TMEM223: variants seen among roughly 807,000 people sequenced by gnomAD.
TMEM223 encodes transmembrane protein 223.
A neutral mutation model predicts 14.1 loss-of-function variants in TMEM223; 14 were observed. That is an observed-to-expected ratio of 0.99 (90% confidence interval 0.66 to 1.55). The LOEUF is 1.55. Ranked by LOEUF, TMEM223 falls within the 40% of genes most tolerant of loss-of-function variation. TMEM223 has a pLI of 0.00. For synonymous variants in TMEM223, 145 were observed against 120.5 expected, an observed-to-expected ratio of 1.20 and a Z score of -1.33; for missense variants, 346 against 269.9, an observed-to-expected ratio of 1.28 and a Z score of -1.97.
chr11:62,776,284 T>C (rs887230382), intron 1 of TMEM223: 12 of 1,206,906 alleles, frequency 9.9e-6, no homozygotes, highest in Non-Finnish European at 1.2e-5. Context: ...AAGCGTGGTC[T>C]CCTGTTTGCC....
exon 3 of TMEM223, chr11:62,772,063 T>TA (rs1216946762): frequency 1.1e-5 from 5 of 455,944 alleles, no homozygotes; most frequent in African/African-American, 6.0e-5. Flanking sequence ...CCTCCCTACT[T>TA]ACTCAGTGCT....
At chr11:62,787,420 G>T (rs1226607562), downstream of TMEM223, 3 of 1,558,504 alleles carry the variant, frequency 1.9e-6, no homozygotes, top group East Asian at 2.4e-5. Flanking sequence ...GCTTCCTGGT[G>T]GTCAGGGCGC....
chr11:62,775,584 C>T (rs750670315), intron 1 of TMEM223: 17 of 582,138 alleles, frequency 2.9e-5, no homozygotes, highest in Non-Finnish European at 4.1e-5. Context: ...CTAGCTTCAC[C>T]GTTCTTGACC....
intron 1 of TMEM223, chr11:62,778,520 T>C (rs2084203794): frequency 7.3e-6 from 5 of 683,844 alleles, no homozygotes; most frequent in Non-Finnish European, 1.3e-5. Flanking sequence ...GGCCCAGACC[T>C]GTAACTAGTC....
At chr11:62,772,800 ATCTC>A in intron 2 of TMEM223, among the ~76,000 whole-genome samples, 1 of 143,614 alleles carries the variant, frequency 7.0e-6, no homozygotes, top group African/African-American at 2.7e-5. Context: ...ATCAGACATC[ATCTC>A]CAAAAAAAAA....
chr11:62,782,653 A>G, downstream of TMEM223: 2 of 1,605,088 alleles, frequency 1.2e-6, no homozygotes, highest in African/African-American at 1.3e-5. Flanking sequence ...GGGTGGCACC[A>G]TGCCTCATTC....
chr11:62,786,207 A>G, downstream of TMEM223: 1 of 1,574,820 alleles, frequency 6.3e-7, no homozygotes, highest in South Asian at 1.1e-5. Context: ...AGGGTCCTTG[A>G]GAGGGAATAA....
chr11:62,782,604 T>C, downstream of TMEM223: 1 of 1,560,024 alleles, frequency 6.4e-7, no homozygotes, highest in South Asian at 1.2e-5. Flanking sequence ...GAGTGTGCTG[T>C]ACAGATGCTA....
At chr11:62,784,306 AT>A (rs1030701221), downstream of TMEM223, among the ~76,000 whole-genome samples, 10,555 of 118,674 alleles carry the variant, frequency 0.089, 468 homozygotes, top group East Asian at 0.15. Flanking sequence ...TATATTCTTA[AT>A]TTTTTTTTTT....
chr11:62,787,132 G>T, downstream of TMEM223: 1 of 1,561,928 alleles, frequency 6.4e-7, no homozygotes, highest in Non-Finnish European at 8.6e-7. Context: ...CGGGCGGCAG[G>T]CTGGGAGGCG....
At chr11:62,786,972 G>A (rs1189121206), downstream of TMEM223, 5 of 1,447,438 alleles carry the variant, frequency 3.5e-6, no homozygotes, top group South Asian at 1.4e-5. Flanking sequence ...CGGCCTCTGG[G>A]CCCGCCGCCT....
chr11:62,787,437 G>A (rs546708002), downstream of TMEM223: 3 of 1,563,930 alleles, frequency 1.9e-6, no homozygotes, highest in Admixed American at 3.6e-5. Context: ...GCGCCATGGC[G>A]CTGTCCTGGC....
chr11:62,786,007 T>A, downstream of TMEM223: 1 of 373,946 alleles, frequency 2.7e-6, no homozygotes, highest in Non-Finnish European at 5.0e-6. Flanking sequence ...TGAGCATTAT[T>A]TAGCACACAG....
intron 1 of TMEM223, among the ~76,000 whole-genome samples, chr11:62,779,976 A>ATATATTTTTTTT (rs1294367864): frequency 1.9e-5 from 1 of 52,632 alleles, no homozygotes; most frequent in Non-Finnish European, 3.6e-5. Flanking sequence ...ATATATATAT[A>ATATATTTTTTTT]TTTTTTTTTT....
At chr11:62,789,426 G>A (rs1198228765), downstream of TMEM223, 1 of 1,613,630 alleles carries the variant, frequency 6.2e-7, no homozygotes, top group Non-Finnish European at 8.5e-7. Context: ...ACTACAATTA[G>A]GTAATGGGAG....
downstream of TMEM223, chr11:62,782,623 G>T: frequency 1.3e-6 from 2 of 1,582,166 alleles, no homozygotes; most frequent in Non-Finnish European, 1.7e-6. Flanking sequence ...TATTCTCTTT[G>T]TGTTGTCTTG....
At chr11:62,786,744 C>T, downstream of TMEM223, 1 of 1,613,206 alleles carries the variant, frequency 6.2e-7, no homozygotes, top group Middle Eastern at 1.7e-4. Context: ...CCCTGGCCGA[C>T]ATCTACCGGG....
At chr11:62,784,397 C>T (rs902334818), downstream of TMEM223, among the ~76,000 whole-genome samples, 3 of 151,674 alleles carry the variant, frequency 2.0e-5, no homozygotes, top group Non-Finnish European at 4.4e-5. Flanking sequence ...CTCCGCCTCC[C>T]GGGTTCACGC....
At chr11:62,778,197 G>C in intron 1 of TMEM223, 1 of 1,613,620 alleles carries the variant, frequency 6.2e-7, no homozygotes, top group Non-Finnish European at 8.5e-7. Flanking sequence ...TGATGGGCTG[G>C]CTGGTGGAAG....
Sources: gnomAD v4.1 joint callset for allele counts (sites outside exome capture counted in the v4.1 genomes callset) on GRCh38, gnomAD v4.1.1 for gene constraint, MANE v1.5 for transcripts, NCBI Gene and HGNC (gene_info 2026-07-23, HGNC 2026-07-21) for gene names.